Variants in THSD7A observed in about 807,000 individuals in gnomAD.
The protein encoded by THSD7A is thrombospondin type-1 domain-containing protein 7A.
THSD7A carries 96 observed loss-of-function variants against 231.3 expected under a neutral mutation model. The ratio of observed to expected loss-of-function variants is 0.41; its 90% CI spans 0.35 to 0.49. The LOEUF is 0.49. THSD7A is among the 20% of genes least tolerant of loss of function. The probability of loss-of-function intolerance (pLI) is 0.05; values close to 1 mark genes in which losing one functional copy is unlikely to be tolerated. For missense variants in THSD7A, 2,290 were observed against 2,070.2 expected (o/e 1.11, Z -2.06); for synonymous variants, 940 against 743.3 (o/e 1.26, Z -4.30).
chr7:11,666,787 G>T (rs954978365), intron 1 of THSD7A, among the ~76,000 whole-genome samples: 5 of 151,342 alleles, frequency 3.3e-5, no homozygotes, highest in Non-Finnish European at 5.9e-5. Context: ...TTTTTTAAAC[G>T]TGGAGGCTGA....
chr7:11,504,617 G>A (rs770384030), intron 6 of THSD7A, among the ~76,000 whole-genome samples: 6 of 152,170 alleles, frequency 3.9e-5, no homozygotes, highest in African/African-American at 1.4e-4. Flanking sequence ...AGTCCAGGAT[G>A]TGGCAGGTAA....
intron 11 of THSD7A, among the ~76,000 whole-genome samples, chr7:11,455,422 G>A (rs561636105): frequency 1.3e-5 from 2 of 152,128 alleles, no homozygotes; most frequent in South Asian, 4.1e-4. Context: ...CCCATTTTAT[G>A]TAGCAGAGTA....
intron 1 of THSD7A, among the ~76,000 whole-genome samples, chr7:11,753,774 G>C (rs1445702073): frequency 6.7e-6 from 1 of 150,220 alleles, no homozygotes; most frequent in Non-Finnish European, 1.5e-5. Flanking sequence ...CAATGCAATG[G>C]AGAGAGAGAG....
intron 4 of THSD7A, among the ~76,000 whole-genome samples, chr7:11,573,503 AAGC>A (rs1790741129): frequency 1.3e-5 from 2 of 152,218 alleles, no homozygotes; most frequent in Admixed American, 6.5e-5. Context: ...GGCAATTTTG[AAGC>A]TCAGTTCACA....
At chr7:11,533,124 T>G (rs115602999) in intron 6 of THSD7A, among the ~76,000 whole-genome samples, 3 of 152,186 alleles carry the variant, frequency 2.0e-5, no homozygotes, top group African/African-American at 7.2e-5. Flanking sequence ...ATGAGATATA[T>G]AGAAAACTCA....
chr7:11,687,602 T>C (rs1217312040), intron 1 of THSD7A, among the ~76,000 whole-genome samples: 1 of 151,924 alleles, frequency 6.6e-6, no homozygotes, highest in Non-Finnish European at 1.5e-5. Flanking sequence ...AGAAGAGTTA[T>C]TAGGCTTGAA....
chr7:11,821,214 C>T (rs1784863603), intron 1 of THSD7A: 1 of 1,185,170 alleles, frequency 8.4e-7, no homozygotes, highest in Admixed American at 1.7e-5. Context: ...GAACAATGGT[C>T]ACTATATGTT....
At chr7:11,694,627 C>T (rs1434429304) in intron 1 of THSD7A, among the ~76,000 whole-genome samples, 1 of 151,518 alleles carries the variant, frequency 6.6e-6, no homozygotes, top group African/African-American at 2.4e-5. Context: ...CATTACACTG[C>T]TCACAAGGTT....
At chr7:11,581,186 ATTG>A (rs1344374398) in intron 4 of THSD7A, among the ~76,000 whole-genome samples, 1 of 152,036 alleles carries the variant, frequency 6.6e-6, no homozygotes, top group Admixed American at 6.5e-5. Flanking sequence ...TGTAATTAAT[ATTG>A]TTATTATCAT....
chr7:11,469,874 C>A lies in THSD7A; in HGVS notation c.2368+5G>T. 1 of 1,574,160 alleles carries A rather than the reference C, an allele frequency of 6.4e-7. No individual in the cohort carries two copies. Among genetic ancestry groups the A allele is most frequent in the South Asian group, 1.2e-5 (1 of 86,326 alleles). Reference sequence around the variant, plus strand: ...GAACAGCCTTCCTAACTCTGCAGACCATACCTTCTTTACACGAAGAGGGGC... The same window carrying A: ...GAACAGCCTTCCTAACTCTGCAGACAATACCTTCTTTACACGAAGAGGGGC... On this transcript the variant is annotated splice_donor_5th_base_variant and intron_variant, in intron 9 of 27. Transcript: ENST00000423059.
intron 1 of THSD7A, among the ~76,000 whole-genome samples, chr7:11,687,783 T>A (rs1780103858): frequency 6.6e-6 from 1 of 151,924 alleles, no homozygotes; most frequent in South Asian, 2.1e-4. Context: ...ACACAGTGGC[T>A]AATGAAGCCA....
intron 6 of THSD7A, among the ~76,000 whole-genome samples, chr7:11,498,298 A>G (rs1348672696): frequency 1.3e-5 from 2 of 152,122 alleles, no homozygotes; most frequent in African/African-American, 4.8e-5. Context: ...TGGCCATTCT[A>G]GCCTTTAGGC....
chr7:11,551,856 G>C (rs1789642320), intron 4 of THSD7A, among the ~76,000 whole-genome samples: 1 of 151,992 alleles, frequency 6.6e-6, no homozygotes, highest in African/African-American at 2.4e-5. Flanking sequence ...TATACCCAAA[G>C]GAAAATACAT....
intron 4 of THSD7A, among the ~76,000 whole-genome samples, chr7:11,568,999 A>G (rs997709782): frequency 4.7e-5 from 7 of 148,640 alleles, no homozygotes; most frequent in African/African-American, 1.8e-4. Flanking sequence ...AAAAAAAAAC[A>G]AACCCTACAC....
rs372860476 is a variant in THSD7A, at chr7:11,705,191, C to A, written c.191-68230G>T. On this transcript the variant is annotated intron_variant, in intron 1 of 27. Coordinates refer to ENST00000423059, the MANE Select transcript of THSD7A (RefSeq NM_015204.3). Reference sequence around the variant, plus strand: ...TTGTTTCAAATATCAGGAATTTGACCTTTAAACCTCAAGATGTAATGCACT... The same window carrying A: ...TTGTTTCAAATATCAGGAATTTGACATTTAAACCTCAAGATGTAATGCACT... 6.6e-5 allele frequency among the ~76,000 whole-genome samples: 10 copies of A among 150,876 alleles called. No homozygotes were observed. In the East Asian group the frequency reaches 1.2e-3, roughly 18 times the overall value.
chr7:11,509,313 G>T (rs1383026255), intron 6 of THSD7A, among the ~76,000 whole-genome samples: 1 of 152,066 alleles, frequency 6.6e-6, no homozygotes, highest in Non-Finnish European at 1.5e-5. Flanking sequence ...ATCATTTCAA[G>T]ACACAATAAC....
chr7:11,411,441 A>G lies in THSD7A; in HGVS notation c.3683-119T>C, dbSNP rs957423024. The G allele has an allele frequency of 1.9e-4, 125 of 673,648 alleles. No individual in the cohort carries two copies. The highest frequency in any genetic ancestry group is 2.5e-4 in the Middle Eastern group (1 of 3,954). 41.7% of individuals were successfully genotyped at this position (673,648 alleles called of 1,614,324 possible). On this transcript the variant is annotated intron_variant, in intron 18 of 27. Coordinates refer to ENST00000423059, the MANE Select transcript of THSD7A (RefSeq NM_015204.3). The surrounding 1 kb of genome is among the most constrained non-coding windows in gnomAD (Gnocchi z 4.1). ...AACTGCTTCCTAAGCCCCATAATCA[A>G]TCATCCCCCATGCAGAGCATATGGG...
intron 4 of THSD7A, among the ~76,000 whole-genome samples, chr7:11,545,941 C>A (rs1789360905): frequency 6.6e-6 from 1 of 152,172 alleles, no homozygotes. Context: ...GGCACAAGCC[C>A]AGTCTGATCT....
rs147710641 is a variant in THSD7A at position 11,664,605 on chromosome 7, A to T, written c.191-27644T>A. Among the ~76,000 whole-genome samples, 268 of 152,126 alleles carry T rather than the reference A, an allele frequency of 1.8e-3. 1 individual carries two copies. The highest frequency in any genetic ancestry group is 6.2e-3 in the African/African-American group (259 of 41,550). On this transcript the variant is annotated intron_variant, in intron 1 of 27. Coordinates refer to ENST00000423059, the MANE Select transcript of THSD7A (RefSeq NM_015204.3). ...GCAAGCTTGTATATGGCCATCAACC[A>T]TAATATCATTGTAATCAGCTTTGCA...
Sources: allele counts gnomAD v4.1 joint callset (sites outside exome capture counted in the v4.1 genomes callset), GRCh38; gene constraint gnomAD v4.1.1; non-coding constraint Gnocchi (gnomAD v3.1); transcripts MANE v1.5; gene names NCBI Gene and HGNC (gene_info 2026-07-23, HGNC 2026-07-21).